Variants in KCNN3 observed in about 807,000 individuals in gnomAD.
KCNN3 encodes small conductance calcium-activated potassium channel protein 3.
A neutral mutation model predicts 62.9 loss-of-function variants in KCNN3; 16 were observed. The observed-to-expected ratio is 0.25, with a 90% CI of 0.17 to 0.39. The LOEUF is 0.39. Among genes scored for constraint, KCNN3 ranks in the 10% least tolerant of loss-of-function variants. The probability of loss-of-function intolerance (pLI) is 1.00; values close to 1 mark genes in which losing one functional copy is unlikely to be tolerated. For synonymous variants in KCNN3, 370 were observed against 389.2 expected (o/e 0.95, Z 0.58); for missense variants, 599 against 949.4 (o/e 0.63, Z 4.85).
intron 4 of KCNN3, among the ~76,000 whole-genome samples, chr1:154,727,842 G>A (rs966938158): frequency 6.6e-6 from 1 of 152,150 alleles, no homozygotes; most frequent in Non-Finnish European, 1.5e-5. Flanking sequence ...CCTTCCCCTC[G>A]ACCGGACGGA....
chr1:154,842,996 G>A (rs1326884401), intron 1 of KCNN3, among the ~76,000 whole-genome samples: 1 of 152,192 alleles, frequency 6.6e-6, no homozygotes, highest in Non-Finnish European at 1.5e-5. Context: ...GAGATGACAC[G>A]TGTAAATAAG....
chr1:154,791,695 C>G (rs1020459571), intron 2 of KCNN3, among the ~76,000 whole-genome samples: 6 of 152,216 alleles, frequency 3.9e-5, no homozygotes, highest in African/African-American at 7.2e-5. Flanking sequence ...CCCTGTCCAA[C>G]TTGAGAGTGA....
At chr1:154,771,263 C>G (rs1313256340) in intron 3 of KCNN3, among the ~76,000 whole-genome samples, 3 of 152,092 alleles carry the variant, frequency 2.0e-5, no homozygotes, top group Non-Finnish European at 4.4e-5. Context: ...CTCTGTCAGG[C>G]CACATCTCCC....
chr1:154,802,926 T>A (rs1340608912), intron 2 of KCNN3, among the ~76,000 whole-genome samples: 1 of 152,198 alleles, frequency 6.6e-6, no homozygotes, highest in African/African-American at 2.4e-5. Context: ...ACTTAGTTGT[T>A]CTGCCTGGTT....
At chr1:154,714,051 GGT>G (rs780964707) in intron 6 of KCNN3, among the ~76,000 whole-genome samples, 1,460 of 73,900 alleles carry the variant, frequency 0.02, 24 homozygotes, top group African/African-American at 0.029. Context: ...GTGTGTGCGG[GGT>G]GTGTGTGTGT....
At chr1:154,756,529 C>T (rs367667047) in intron 3 of KCNN3, among the ~76,000 whole-genome samples, 6 of 152,100 alleles carry the variant, frequency 3.9e-5, no homozygotes, top group African/African-American at 7.2e-5. Context: ...TCCTTCCCCC[C>T]GGCTCCTTGC....
Position 154,707,502 on chromosome 1 carries a change from C to T in KCNN3, c.*474G>A, listed in dbSNP as rs1430664290. On this transcript the variant is annotated 3_prime_UTR_variant, in exon 8 of 8. Coordinates refer to ENST00000271915, the MANE Select transcript of KCNN3 (RefSeq NM_002249.6). ...GGGCAGCTCTCTTTTACTTTTGTCA[C>T]CCAGAGGCTTCCGTAGACAAAAGGA... 6.6e-6 allele frequency: 1 copy of T among 150,764 alleles called. No homozygotes were observed. Among genetic ancestry groups the T allele is most frequent in the African/African-American group, 2.5e-5 (1 of 40,740 alleles). 9.3% of individuals were successfully genotyped at this position (150,764 alleles called of 1,614,324 possible).
At chr1:154,837,880 A>G (rs1651657730) in intron 1 of KCNN3, among the ~76,000 whole-genome samples, 2 of 152,166 alleles carry the variant, frequency 1.3e-5, no homozygotes, top group Non-Finnish European at 2.9e-5. Flanking sequence ...GTCTCACTGA[A>G]GAGACACAGC....
At chr1:154,725,754 AGGAT>A (rs1178877937) in intron 5 of KCNN3, among the ~76,000 whole-genome samples, 158 bp downstream of exon 5, 1 of 152,162 alleles carries the variant, frequency 6.6e-6, no homozygotes, top group Non-Finnish European at 1.5e-5. Context: ...CGTATTAGCC[AGGAT>A]GGTCTTGATC....
intron 4 of KCNN3, among the ~76,000 whole-genome samples, chr1:154,728,302 T>C (rs1299108019): frequency 6.6e-6 from 1 of 152,218 alleles, no homozygotes; most frequent in Non-Finnish European, 1.5e-5. Context: ...CTTCCCAGTT[T>C]CTTTCAACAT....
intron 2 of KCNN3, among the ~76,000 whole-genome samples, chr1:154,814,334 G>A (rs1016082376): frequency 6.6e-6 from 1 of 152,240 alleles, no homozygotes; most frequent in African/African-American, 2.4e-5. Context: ...GCACTCTCAT[G>A]CCTTTGGGGG....
At chr1:154,811,956 A>G (rs1571300330) in intron 2 of KCNN3, among the ~76,000 whole-genome samples, 1 of 152,258 alleles carries the variant, frequency 6.6e-6, no homozygotes, top group African/African-American at 2.4e-5. Context: ...GGCTGCAGGG[A>G]TGATTGGGAA....
intron 1 of KCNN3, 134 bp downstream of exon 1, chr1:154,868,898 C>A: frequency 2.1e-6 from 2 of 956,306 alleles, no homozygotes. Context: ...CCCAATCTCT[C>A]AATCTCTCTC....
At chr1:154,867,226 G>A (rs1455094488) in intron 1 of KCNN3, among the ~76,000 whole-genome samples, 1 of 152,210 alleles carries the variant, frequency 6.6e-6, no homozygotes, top group African/African-American at 2.4e-5. Context: ...ATCCTGGAGC[G>A]CCCAGCAGGA....
chr1:154,796,544 G>T (rs189454112), intron 2 of KCNN3, among the ~76,000 whole-genome samples: 91 of 152,292 alleles, frequency 6.0e-4, no homozygotes, highest in Non-Finnish European at 1.1e-3. Context: ...AAATTTAGGT[G>T]CAGGGACTGC....
intron 1 of KCNN3, among the ~76,000 whole-genome samples, chr1:154,863,996 A>G (rs1652865521): frequency 6.6e-6 from 1 of 152,156 alleles, no homozygotes; most frequent in Non-Finnish European, 1.5e-5. Flanking sequence ...AGTCACCACC[A>G]CCCTGGGGCG....
intron 2 of KCNN3, among the ~76,000 whole-genome samples, chr1:154,783,226 G>A (rs200228445): frequency 7.1e-6 from 1 of 139,914 alleles, no homozygotes; most frequent in Non-Finnish European, 1.6e-5. Flanking sequence ...AAAAAAAAAA[G>A]AAAAAAGAAA....
chr1:154,789,715 G>A (rs1571278201), intron 2 of KCNN3, among the ~76,000 whole-genome samples: 1 of 152,086 alleles, frequency 6.6e-6, no homozygotes, highest in Non-Finnish European at 1.5e-5. Flanking sequence ...TCCGAAGGAG[G>A]TGCTGCTTTT....
intron 1 of KCNN3, among the ~76,000 whole-genome samples, chr1:154,828,750 C>G (rs1215130142): frequency 2.0e-5 from 3 of 152,220 alleles, no homozygotes; most frequent in Non-Finnish European, 4.4e-5. Flanking sequence ...CCCTTGTAGT[C>G]AAACACCCCT....
Sources: allele counts gnomAD v4.1 joint callset (sites outside exome capture counted in the v4.1 genomes callset), GRCh38; gene constraint gnomAD v4.1.1; transcripts MANE v1.5; gene names NCBI Gene and HGNC (gene_info 2026-07-23, HGNC 2026-07-21).